Variants in NELL1 observed in about 807,000 individuals in gnomAD.
NELL1 encodes neural EGFL like 1.
NELL1 carries 76 observed loss-of-function variants against 107.4 expected under a neutral mutation model. The ratio of observed to expected loss-of-function variants is 0.71; its 90% CI spans 0.59 to 0.86. The LOEUF is 0.86. Ranked by LOEUF, NELL1 falls within the 40% of genes least tolerant of loss-of-function variation. The pLI is 0.00. For missense variants in NELL1, 1,024 were observed against 1,005.5 expected, an observed-to-expected ratio of 1.02 and a Z score of -0.25; for synonymous variants, 353 against 341.2, an observed-to-expected ratio of 1.03 and a Z score of -0.38.
At chr11:21,513,320 T>A (rs1170205084) in intron 15 of NELL1, among the ~76,000 whole-genome samples, 4 of 152,158 alleles carry the variant, frequency 2.6e-5, no homozygotes, top group African/African-American at 9.7e-5. Flanking sequence ...GTGTTTATTT[T>A]TTTCCAAAAA....
chr11:21,355,942 CT>C (rs1374358647), intron 14 of NELL1, among the ~76,000 whole-genome samples: 1 of 152,062 alleles, frequency 6.6e-6, no homozygotes, highest in African/African-American at 2.4e-5. Context: ...TTGCTGTAAC[CT>C]TTGCCTGGAA....
chr11:20,848,078 G>C lies in NELL1; in HGVS notation c.506+325G>C, dbSNP rs141728555. 1.9e-3 allele frequency among the ~76,000 whole-genome samples: 287 copies of C among 152,252 alleles called. 2 individuals are homozygous for C. Among genetic ancestry groups the C allele is most frequent in the African/African-American group, 6.4e-3 (265 of 41,554 alleles). ...CCATGGAGCTGTGATCACAGTTAACGGTGATGTATTGTTGTTGAGTTCGTT... is the reference window on the plus strand; with the variant it reads ...CCATGGAGCTGTGATCACAGTTAACCGTGATGTATTGTTGTTGAGTTCGTT... On this transcript the variant is annotated intron_variant, in intron 4 of 19. Coordinates refer to ENST00000357134, the MANE Select transcript of NELL1 (RefSeq NM_006157.5).
At chr11:21,389,549 A>T (rs1421258885) in intron 15 of NELL1, among the ~76,000 whole-genome samples, 1 of 151,804 alleles carries the variant, frequency 6.6e-6, no homozygotes, top group Non-Finnish European at 1.5e-5. Flanking sequence ...ACTCACAAAA[A>T]GTTAACAAAC....
intron 11 of NELL1, among the ~76,000 whole-genome samples, chr11:20,957,489 C>T (rs7118327): frequency 0.26 from 39,006 of 151,954 alleles, 5,765 homozygotes; most frequent in East Asian, 0.49. Context: ...CCAAAAAATA[C>T]GAGCTTACAG....
intron 2 of NELL1, among the ~76,000 whole-genome samples, chr11:20,692,706 C>G (rs1469344916): frequency 1.3e-5 from 2 of 152,008 alleles, no homozygotes; most frequent in African/African-American, 4.8e-5. Flanking sequence ...TTACTTCCAA[C>G]TATGTGGTCA....
At chr11:20,983,990 G>A (rs1590499032) in intron 12 of NELL1, among the ~76,000 whole-genome samples, 1 of 151,948 alleles carries the variant, frequency 6.6e-6, no homozygotes, top group Admixed American at 6.6e-5. Context: ...CCCTCTTCCT[G>A]CAGCATTCTT....
chr11:21,453,337 G>C (rs1590943782), intron 15 of NELL1, among the ~76,000 whole-genome samples: 1 of 151,844 alleles, frequency 6.6e-6, no homozygotes, highest in Non-Finnish European at 1.5e-5. Flanking sequence ...TTTATTAATT[G>C]ACCTCTGATA....
intron 14 of NELL1, among the ~76,000 whole-genome samples, chr11:21,241,227 C>G (rs1222200808): frequency 1.3e-5 from 2 of 152,084 alleles, no homozygotes; most frequent in Admixed American, 1.3e-4. Flanking sequence ...TGTAGGCTAT[C>G]TACTGGATTA....
chr11:21,090,948 A>G lies in NELL1; in HGVS notation c.1301-22641A>G, dbSNP rs190870435. On this transcript the variant is annotated intron_variant, in intron 12 of 19. Coordinates refer to ENST00000357134, the MANE Select transcript of NELL1 (RefSeq NM_006157.5). ...CTGGCTCTGCCATGTGCTAAGCATA[A>G]GAGCCTAGGAAACTTAACTTTTCAA... Among the ~76,000 whole-genome samples the G allele has an allele frequency of 2.5e-3, 380 of 152,372 alleles. 3 individuals are homozygous for G. Among genetic ancestry groups the G allele is most frequent in the African/African-American group, 8.5e-3 (352 of 41,594 alleles).
In NELL1 at chr11:20,970,022, T is replaced by C. The variant is rs559518551; in HGVS notation, c.1300+9462T>C. On this transcript the variant is annotated intron_variant, in intron 12 of 19. Coordinates refer to ENST00000357134, the MANE Select transcript of NELL1 (RefSeq NM_006157.5). ...TAGAACACAGGTCTTTAGATCTTCA[T>C]GGCGTATATAAATATCTAATCTATC... Among the ~76,000 whole-genome samples, 17 of 152,190 alleles carry C rather than the reference T, an allele frequency of 1.1e-4. No homozygotes were observed. The South Asian group carries it at 3.5e-3, about 32-fold the overall frequency.
chr11:20,888,292 T>TA (rs1253951162), intron 5 of NELL1, among the ~76,000 whole-genome samples: 1 of 151,888 alleles, frequency 6.6e-6, no homozygotes, highest in Non-Finnish European at 1.5e-5. Flanking sequence ...TACATGTATA[T>TA]AAAAAAAGTT....
At chr11:20,710,372 A>G (rs919139340) in intron 2 of NELL1, among the ~76,000 whole-genome samples, 3 of 152,208 alleles carry the variant, frequency 2.0e-5, no homozygotes, top group Admixed American at 1.3e-4. Context: ...ATGTTAAACC[A>G]TCCCTCCATC....
In NELL1 at chr11:21,040,835, T is replaced by C. The variant is rs12292696; in HGVS notation, c.1301-72754T>C. On this transcript the variant is annotated intron_variant, in intron 12 of 19. Coordinates refer to ENST00000357134, the MANE Select transcript of NELL1 (RefSeq NM_006157.5). Reference sequence around the variant, plus strand: ...ATAAAGCTATTACACATCCTGTTTGTAGCATGAATCATAATAGACCTTAAA... The same window carrying C: ...ATAAAGCTATTACACATCCTGTTTGCAGCATGAATCATAATAGACCTTAAA... Among the ~76,000 whole-genome samples, 552 of 152,280 alleles carry C rather than the reference T, an allele frequency of 3.6e-3. 4 individuals are homozygous for C. The highest frequency in any genetic ancestry group is 0.012 in the African/African-American group (514 of 41,560).
At chr11:21,010,476 C>T (rs1309959658) in intron 12 of NELL1, among the ~76,000 whole-genome samples, 2 of 152,068 alleles carry the variant, frequency 1.3e-5, no homozygotes, top group East Asian at 3.9e-4. Context: ...AGTTATAAAC[C>T]CCAATGCCTG....
At chr11:20,748,344 C>T (rs1185881128) in intron 2 of NELL1, among the ~76,000 whole-genome samples, 1 of 152,154 alleles carries the variant, frequency 6.6e-6, no homozygotes. Flanking sequence ...CTCTTGGGTA[C>T]ATTTTAGATA....
At chr11:21,221,172 A>T (rs1857747372) in intron 13 of NELL1, among the ~76,000 whole-genome samples, 2 of 152,122 alleles carry the variant, frequency 1.3e-5, no homozygotes, top group African/African-American at 4.8e-5. Flanking sequence ...GTTGTGATTT[A>T]TGTCTCACAT....
rs537734938 is a variant in NELL1, at chr11:21,112,179, T to C, written c.1301-1410T>C. On this transcript the variant is annotated intron_variant, in intron 12 of 19. Coordinates refer to ENST00000357134, the MANE Select transcript of NELL1 (RefSeq NM_006157.5). ...TGGTGTTTTGTTCTTATTTCATGGTTATGAAAGTCTTGCTAACTGTGGGTC... is the reference window on the plus strand; with the variant it reads ...TGGTGTTTTGTTCTTATTTCATGGTCATGAAAGTCTTGCTAACTGTGGGTC... 1.4e-4 allele frequency among the ~76,000 whole-genome samples: 22 copies of C among 152,148 alleles called. 2 individuals carry two copies. The South Asian group carries it at 4.6e-3, about 32-fold the overall frequency.
intron 14 of NELL1, among the ~76,000 whole-genome samples, chr11:21,266,236 T>A (rs1026489238): frequency 6.6e-6 from 1 of 151,978 alleles, no homozygotes; most frequent in African/African-American, 2.4e-5. Context: ...GTGAAGGCAG[T>A]AGGTTTTATA....
intron 13 of NELL1, among the ~76,000 whole-genome samples, chr11:21,163,359 C>A (rs761503429): frequency 6.6e-6 from 1 of 152,068 alleles, no homozygotes. Context: ...GATCTAGAGA[C>A]AGATTGTTTT....
Sources: gnomAD v4.1 joint callset for allele counts (sites outside exome capture counted in the v4.1 genomes callset) on GRCh38, gnomAD v4.1.1 for gene constraint, MANE v1.5 for transcripts, NCBI Gene and HGNC (gene_info 2026-07-23, HGNC 2026-07-21) for gene names.